RYR3: variants seen among roughly 807,000 people sequenced by gnomAD.
RYR3 encodes the protein ryanodine receptor 3, also known as brain ryanodine receptor-calcium release channel.
A neutral mutation model predicts 584.3 loss-of-function variants in RYR3; 207 were observed. The observed-to-expected ratio is 0.35, with a 90% CI of 0.32 to 0.40. The LOEUF (loss-of-function observed/expected upper bound fraction) is 0.40. RYR3 is among the 10% of genes least tolerant of loss of function. The pLI is 1.00. For missense variants in RYR3, 5,616 were observed against 6,089.2 expected, an observed-to-expected ratio of 0.92 and a Z score of 2.59; for synonymous variants, 2,416 against 2,248.5, an observed-to-expected ratio of 1.07 and a Z score of -2.11.
At chr15:33,374,410 C>G (rs756224175) in intron 1 of RYR3, among the ~76,000 whole-genome samples, 8 of 147,646 alleles carry the variant, frequency 5.4e-5, no homozygotes, top group Non-Finnish European at 9.1e-5. Flanking sequence ...ATATATATCT[C>G]CACCCCCACC....
chr15:33,648,765 C>T (rs1157321915), intron 30 of RYR3, among the ~76,000 whole-genome samples: 1 of 152,232 alleles, frequency 6.6e-6, no homozygotes, highest in Non-Finnish European at 1.5e-5. Context: ...GCAGCTGCCA[C>T]TGCTTCCATC....
intron 13 of RYR3, 106 bp from the exon 14 acceptor site, chr15:33,581,402 G>T: frequency 2.6e-6 from 3 of 1,153,934 alleles, no homozygotes; most frequent in Non-Finnish European, 3.7e-6. Context: ...TTTGCATATT[G>T]GCATTTTCAG....
chr15:33,363,409 A>G (rs1489385828), intron 1 of RYR3, among the ~76,000 whole-genome samples: 1 of 152,196 alleles, frequency 6.6e-6, no homozygotes, highest in African/African-American at 2.4e-5. Context: ...TTTAACCAGT[A>G]CTGATTTCTC....
rs1567046975 is a variant in RYR3, at chr15:33,336,475, AG to A, written c.51+25380del. Among the ~76,000 whole-genome samples, 12 of 42,302 alleles carry A rather than the reference AG, an allele frequency of 2.8e-4. 4 individuals carry two copies. The highest frequency in any genetic ancestry group is 2.6e-3 in the African/African-American group (12 of 4,576). 27.8% of individuals were successfully genotyped at this position (42,302 alleles called of 152,430 possible). A position where few individuals can be genotyped will look rare whatever the true frequency, so the allele number is the denominator to read the frequency against. On this transcript the variant is annotated intron_variant, in intron 1 of 103. Coordinates refer to ENST00000634891, the MANE Select transcript of RYR3 (RefSeq NM_001036.6). The stretch of plus-strand genomic sequence containing the variant: ...GAGAGAGAGAGAGAGAGAGAGAGAG[AG>A]AGAGAGAGAGAAAGAAAGAAAGAAA...
Position 33,528,975 on chromosome 15 carries a change from A to G in RYR3, c.280-1617A>G, listed in dbSNP as rs2054620875. ...AGATGTAGGACTGTTTTGGGAGGAC[A>G]CACCCACAGTGTAAGCCATCAGGAG... On this transcript the variant is annotated intron_variant, in intron 3 of 103. Coordinates refer to ENST00000634891, the MANE Select transcript of RYR3 (RefSeq NM_001036.6). 2.6e-5 allele frequency among the ~76,000 whole-genome samples: 4 copies of G among 152,374 alleles called. 1 individual carries two copies. The South Asian group carries it at 8.3e-4, about 32-fold the overall frequency.
At chr15:33,859,197 G>T (rs2080068699) in intron 99 of RYR3, 1 of 177,102 alleles carries the variant, frequency 5.6e-6, no homozygotes, top group Non-Finnish European at 1.2e-5. Context: ...AGAAGAGGGG[G>T]GACCTTTTTG....
At chr15:33,749,936 T>A in intron 55 of RYR3, 43 bp from the exon 56 acceptor site, 1 of 1,582,442 alleles carries the variant, frequency 6.3e-7, no homozygotes, top group South Asian at 1.1e-5. Flanking sequence ...CCAGCTTGCC[T>A]GCTTTCTTTC....
intron 1 of RYR3, among the ~76,000 whole-genome samples, chr15:33,440,451 T>C (rs910710464): frequency 1.3e-5 from 2 of 152,176 alleles, no homozygotes; most frequent in Non-Finnish European, 2.9e-5. Context: ...CCAGGTGTGA[T>C]TATGCCCCCA....
chr15:33,652,669 C>T, intron 31 of RYR3, 49 bp from the exon 32 acceptor site: 3 of 1,576,248 alleles, frequency 1.9e-6, no homozygotes, highest in Non-Finnish European at 2.6e-6. Context: ...GTCTTGATTA[C>T]AAACTGCCCC....
At chr15:33,510,685 C>G (rs772995965) in intron 3 of RYR3, among the ~76,000 whole-genome samples, 1 of 151,160 alleles carries the variant, frequency 6.6e-6, no homozygotes, top group Non-Finnish European at 1.5e-5. Context: ...GTTTTCTTTC[C>G]TCAAAGAGCT....
intron 1 of RYR3, among the ~76,000 whole-genome samples, chr15:33,366,681 T>C (rs1975544581): frequency 6.6e-6 from 1 of 152,140 alleles, no homozygotes; most frequent in Non-Finnish European, 1.5e-5. Context: ...AGGAAAATGA[T>C]GGGTGTTGAG....
chr15:33,600,070 A>G (rs1430124136), intron 16 of RYR3, among the ~76,000 whole-genome samples: 7 of 152,204 alleles, frequency 4.6e-5, no homozygotes, highest in Admixed American at 4.6e-4. Context: ...GTGAGAAATT[A>G]GCCTCTGGAT....
At chr15:33,695,926 G>A (rs1231148932) in intron 38 of RYR3, among the ~76,000 whole-genome samples, 1 of 147,924 alleles carries the variant, frequency 6.8e-6, no homozygotes. Flanking sequence ...GCTGACTACA[G>A]GCGTGTGCAA....
At chr15:33,496,449 G>T (rs1452013890) in intron 2 of RYR3, among the ~76,000 whole-genome samples, 3 of 152,246 alleles carry the variant, frequency 2.0e-5, no homozygotes, top group Middle Eastern at 6.8e-3. Context: ...ATGCAGTGGT[G>T]TACTACTTTT....
In RYR3 at chr15:33,743,422, G is replaced by A. The variant is rs142375921; in HGVS notation, c.7899+978G>A. ...TGCAACAACTCCACTTGGCCGTTGC[G>A]GCACAAAAGTAGCCATAGAGAAAAC... On this transcript the variant is annotated intron_variant, in intron 52 of 103. Transcript: ENST00000634891. Among the ~76,000 whole-genome samples, 55 of 152,292 alleles carry A rather than the reference G, an allele frequency of 3.6e-4. No homozygotes were observed. In the East Asian group the frequency reaches 8.3e-3, roughly 23 times the overall value.
chr15:33,680,730 A>G (rs1259678718), intron 38 of RYR3, among the ~76,000 whole-genome samples: 1 of 152,200 alleles, frequency 6.6e-6, no homozygotes, highest in African/African-American at 2.4e-5. Flanking sequence ...CATAGGCTGT[A>G]AGTTGGAGAG....
At chr15:33,820,703 T>A in intron 77 of RYR3, 53 bp from the exon 78 acceptor site, 1 of 1,473,482 alleles carries the variant, frequency 6.8e-7, no homozygotes, top group Non-Finnish European at 9.3e-7. Flanking sequence ...TTTATTAGAT[T>A]TCCCTTTAAT....
Position 33,413,689 on chromosome 15 carries a change from C to T in RYR3, c.52-59730C>T, listed in dbSNP as rs576700634. Reference sequence around the variant, plus strand: ...GTCCTTACCCAGTGCCTGGTGCCCCCATGCTGTGCAGCAGGCCTGTGGTCC... The same window carrying T: ...GTCCTTACCCAGTGCCTGGTGCCCCTATGCTGTGCAGCAGGCCTGTGGTCC... On this transcript the variant is annotated intron_variant, in intron 1 of 103. Coordinates refer to ENST00000634891, the MANE Select transcript of RYR3 (RefSeq NM_001036.6). Among the ~76,000 whole-genome samples, 200 of 152,336 alleles carry T rather than the reference C, an allele frequency of 1.3e-3. 5 individuals are homozygous for T. In the South Asian group the frequency reaches 0.04, roughly 30 times the overall value.
intron 18 of RYR3, among the ~76,000 whole-genome samples, chr15:33,609,341 G>T (rs2060057308): frequency 6.6e-6 from 1 of 152,194 alleles, no homozygotes; most frequent in African/African-American, 2.4e-5. Flanking sequence ...GGCCGAGATG[G>T]GAGGATCAGT....
Sources: allele counts gnomAD v4.1 joint callset (sites outside exome capture counted in the v4.1 genomes callset), GRCh38; gene constraint gnomAD v4.1.1; transcripts MANE v1.5; gene names NCBI Gene and HGNC (gene_info 2026-07-23, HGNC 2026-07-21).